Variants in SCAMP1 observed in about 807,000 individuals in gnomAD.
SCAMP1 encodes the protein secretory carrier-associated membrane protein 1.
SCAMP1 carries 15 observed loss-of-function variants against 41.8 expected under a neutral mutation model. That is an observed-to-expected ratio of 0.36 (90% CI 0.24 to 0.55). The LOEUF is 0.55. SCAMP1 is among the 20% of genes least tolerant of loss of function. The probability of loss-of-function intolerance (pLI) is 0.86; values close to 1 mark genes in which losing one functional copy is unlikely to be tolerated. For missense variants in SCAMP1, 341 were observed against 412.6 expected, an observed-to-expected ratio of 0.83 and a Z score of 1.50; for synonymous variants, 135 against 136.8, an observed-to-expected ratio of 0.99 and a Z score of 0.09.
chr5:78,371,674 G>T (rs960749719), intron 1 of SCAMP1, among the ~76,000 whole-genome samples: 1 of 152,002 alleles, frequency 6.6e-6, no homozygotes, highest in Non-Finnish European at 1.5e-5. Flanking sequence ...TTTAATAGCA[G>T]GTTTTACACT....
chr5:78,445,218 G>A (rs1262951863), intron 6 of SCAMP1, among the ~76,000 whole-genome samples: 1 of 152,198 alleles, frequency 6.6e-6, no homozygotes, highest in African/African-American at 2.4e-5. Context: ...ATACTTCAGG[G>A]AAGAACTTTT....
intron 1 of SCAMP1, among the ~76,000 whole-genome samples, chr5:78,382,547 G>A (rs1751229705): frequency 6.6e-6 from 1 of 152,218 alleles, no homozygotes; most frequent in Admixed American, 6.5e-5. Context: ...CACCCATTAT[G>A]TAGTCTTTTA....
intron 1 of SCAMP1, among the ~76,000 whole-genome samples, chr5:78,374,365 A>G (rs1029571283): frequency 2.0e-5 from 3 of 152,092 alleles, no homozygotes; most frequent in African/African-American, 7.2e-5. Flanking sequence ...CACAGAAGTT[A>G]ATTTTTCTAA....
chr5:78,384,481 C>A (rs1198824023), intron 1 of SCAMP1, among the ~76,000 whole-genome samples: 4 of 152,056 alleles, frequency 2.6e-5, no homozygotes, highest in African/African-American at 9.7e-5. Flanking sequence ...GCTAGGACTT[C>A]CAGTACGGTG....
At chr5:78,466,458 A>G (rs1237058836) in intron 8 of SCAMP1, among the ~76,000 whole-genome samples, 2 of 152,172 alleles carry the variant, frequency 1.3e-5, no homozygotes, top group African/African-American at 4.8e-5. Context: ...AGGGAAGAGG[A>G]TAAGAGGGAT....
At chr5:78,416,671 A>G in intron 4 of SCAMP1, 22 bp downstream of exon 4, 2 of 1,524,108 alleles carry the variant, frequency 1.3e-6, no homozygotes, top group Non-Finnish European at 1.8e-6. Context: ...AGAAATTTGA[A>G]ATAAAAATAA....
chr5:78,449,211 C>T (rs911730844), intron 6 of SCAMP1, among the ~76,000 whole-genome samples: 1 of 151,804 alleles, frequency 6.6e-6, no homozygotes, highest in Non-Finnish European at 1.5e-5. Flanking sequence ...ACAATAATAA[C>T]TTTATTTATA....
chr5:78,430,824 T>A (rs1752602591), intron 6 of SCAMP1, among the ~76,000 whole-genome samples: 2 of 152,054 alleles, frequency 1.3e-5, no homozygotes, highest in Admixed American at 1.3e-4. Flanking sequence ...ACACAGTAAG[T>A]TAACTGACTT....
intron 6 of SCAMP1, among the ~76,000 whole-genome samples, chr5:78,431,485 A>G (rs1221476811): frequency 2.5e-5 from 3 of 120,660 alleles, no homozygotes; most frequent in Non-Finnish European, 5.3e-5. Context: ...TTTACCATCT[A>G]TTTTCTGTTT....
chr5:78,388,958 A>G lies in SCAMP1; in HGVS notation c.135+44A>G, dbSNP rs746090794. ...TTAAATGTTTAAATTGAAATTCAGT[A>G]GGAATTCTATTTTAACTATGATTTC... On this transcript the variant is annotated intron_variant, in intron 2 of 8. Transcript: ENST00000621999. The G allele has an allele frequency of 7.1e-6, 7 of 985,936 alleles. No homozygotes were observed. In the South Asian group the frequency reaches 1.1e-4, roughly 15 times the overall value. The allele number at this position is 985,936 out of a possible 1,614,324, so 61.1% of individuals were successfully genotyped here.
intron 1 of SCAMP1, among the ~76,000 whole-genome samples, chr5:78,377,023 T>A (rs139679001): frequency 6.6e-6 from 1 of 152,214 alleles, no homozygotes; most frequent in Non-Finnish European, 1.5e-5. Context: ...GGGGAAAGGC[T>A]TCCTCCTTGC....
At chr5:78,427,888 C>T (rs1357044952) in intron 6 of SCAMP1, among the ~76,000 whole-genome samples, 1 of 151,992 alleles carries the variant, frequency 6.6e-6, no homozygotes, top group Non-Finnish European at 1.5e-5. Context: ...TTGTTGACTT[C>T]TTACTATTAA....
intron 1 of SCAMP1, chr5:78,361,002 C>T (rs1750631740): frequency 7.1e-6 from 3 of 422,618 alleles, no homozygotes; most frequent in South Asian, 5.7e-5. Context: ...CGGGACTGGG[C>T]CCGCGCGCCC....
At chr5:78,386,202 A>G (rs905182332) in intron 1 of SCAMP1, among the ~76,000 whole-genome samples, 2 of 152,152 alleles carry the variant, frequency 1.3e-5, no homozygotes, top group African/African-American at 4.8e-5. Flanking sequence ...TTATCATCAT[A>G]TGATGTCCCT....
intron 6 of SCAMP1, among the ~76,000 whole-genome samples, chr5:78,442,574 A>G (rs1752953707): frequency 6.6e-6 from 1 of 152,172 alleles, no homozygotes; most frequent in Non-Finnish European, 1.5e-5. Context: ...TTGTTTTATA[A>G]GAGCATAGCC....
intron 7 of SCAMP1, among the ~76,000 whole-genome samples, chr5:78,457,585 CA>C (rs1238488366): frequency 6.6e-6 from 1 of 152,204 alleles, no homozygotes; most frequent in African/African-American, 2.4e-5. Flanking sequence ...CTGCTCTCTT[CA>C]AAGCTGTCAG....
chr5:78,413,273 C>G (rs1335040059), intron 2 of SCAMP1, among the ~76,000 whole-genome samples: 2 of 152,060 alleles, frequency 1.3e-5, no homozygotes, highest in Non-Finnish European at 2.9e-5. Flanking sequence ...GGGTTTGTTT[C>G]TGTGTCTGTT....
At chr5:78,398,175 C>A (rs535301508) in intron 2 of SCAMP1, among the ~76,000 whole-genome samples, 1 of 152,068 alleles carries the variant, frequency 6.6e-6, no homozygotes, top group Non-Finnish European at 1.5e-5. Context: ...TGGAAATAGC[C>A]TATGTTCCTA....
rs540377627 is a variant in SCAMP1, at chr5:78,459,377, A to T, written c.852+15A>T. The T allele has an allele frequency of 7.8e-7, 1 of 1,277,910 alleles. No homozygotes were observed. The highest frequency in any genetic ancestry group is 1.8e-5 in the Admixed American group (1 of 54,260). The allele number at this position is 1,277,910 out of a possible 1,614,324, so 79.2% of individuals were successfully genotyped here. A position where few individuals can be genotyped will look rare whatever the true frequency, so the allele number is the denominator to read the frequency against. ...TGTTCAAAAAAGTAAGTGAAATTTT[A>T]TGTCTAAATTTTTATAGTGAACGTG... On this transcript the variant is annotated intron_variant, in intron 8 of 8. Coordinates refer to ENST00000621999, the MANE Select transcript of SCAMP1 (RefSeq NM_004866.6).
Sources: allele counts gnomAD v4.1 joint callset (sites outside exome capture counted in the v4.1 genomes callset), GRCh38; gene constraint gnomAD v4.1.1; transcripts MANE v1.5; gene names NCBI Gene and HGNC (gene_info 2026-07-23, HGNC 2026-07-21).